CNTNAP2: variants seen among roughly 807,000 people sequenced by gnomAD.
The protein encoded by CNTNAP2 is contactin associated protein 2.
A neutral mutation model predicts 155.2 loss-of-function variants in CNTNAP2; 98 were observed. The observed-to-expected ratio is 0.63, with a 90% CI of 0.54 to 0.75. CNTNAP2 has a LOEUF of 0.75. Among genes scored for constraint, CNTNAP2 ranks in the 30% least tolerant of loss-of-function variants. The probability of loss-of-function intolerance (pLI) is 0.00; values close to 1 mark genes in which losing one functional copy is unlikely to be tolerated. For missense variants in CNTNAP2, 1,727 were observed against 1,688.1 expected (o/e 1.02, Z -0.40); for synonymous variants, 651 against 631.2 (o/e 1.03, Z -0.47).
intron 14 of CNTNAP2, among the ~76,000 whole-genome samples, chr7:147,959,748 G>T (rs1801084080): frequency 6.6e-6 from 1 of 152,088 alleles, no homozygotes; most frequent in South Asian, 2.1e-4. Context: ...AACTGACAGG[G>T]CATGCTGGTG....
intron 1 of CNTNAP2, among the ~76,000 whole-genome samples, chr7:146,422,823 A>G (rs953479417): frequency 1.3e-5 from 2 of 152,126 alleles, no homozygotes; most frequent in Non-Finnish European, 2.9e-5. Flanking sequence ...TAGTCTGCCC[A>G]TTCAAAAGAG....
intron 21 of CNTNAP2, among the ~76,000 whole-genome samples, chr7:148,358,489 C>T (rs1474206023): frequency 6.6e-6 from 1 of 152,162 alleles, no homozygotes; most frequent in Non-Finnish European, 1.5e-5. Context: ...GTGAGGATGG[C>T]TGGCCTGCCT....
chr7:146,667,762 T>A (rs73455224), intron 1 of CNTNAP2, among the ~76,000 whole-genome samples: 8,391 of 151,968 alleles, frequency 0.055, 318 homozygotes, highest in African/African-American at 0.12. Context: ...GTCTTCTTGA[T>A]CTCTTTTTTT....
intron 15 of CNTNAP2, among the ~76,000 whole-genome samples, chr7:147,994,981 C>T (rs774179462): frequency 5.3e-5 from 8 of 152,130 alleles, no homozygotes; most frequent in African/African-American, 9.7e-5. Flanking sequence ...CAAAAGGAAA[C>T]GTGCATGAGA....
chr7:147,910,906 T>A (rs1251933402), intron 14 of CNTNAP2, among the ~76,000 whole-genome samples: 1 of 152,240 alleles, frequency 6.6e-6, no homozygotes, highest in Non-Finnish European at 1.5e-5. Flanking sequence ...ATTTTTCACC[T>A]GTGTACTATA....
At chr7:147,387,881 C>T (rs1057048114) in intron 9 of CNTNAP2, among the ~76,000 whole-genome samples, 1 of 152,126 alleles carries the variant, frequency 6.6e-6, no homozygotes, top group Admixed American at 6.5e-5. Flanking sequence ...CCAACTTTCA[C>T]CCACTTATTT....
At chr7:147,987,287 C>A (rs1801635271) in intron 15 of CNTNAP2, among the ~76,000 whole-genome samples, 1 of 152,190 alleles carries the variant, frequency 6.6e-6, no homozygotes, top group Non-Finnish European at 1.5e-5. Context: ...GAAATCAGCT[C>A]TTTAAGATTA....
rs62481812 is a variant in CNTNAP2 at position 146,636,309 on chromosome 7, A to T, written c.98-137962A>T. ...TGCTAATCACAGTGAATTTTATGGC[A>T]TGTAAGTTATATTTTAACTTACGAA... On this transcript the variant is annotated intron_variant, in intron 1 of 23. Transcript: ENST00000361727. 6.9e-3 allele frequency among the ~76,000 whole-genome samples: 1,054 copies of T among 152,286 alleles called. 8 individuals carry two copies. The highest frequency in any genetic ancestry group is 0.013 in the Non-Finnish European group (870 of 68,020).
chr7:146,513,557 A>G (rs1004480192), intron 1 of CNTNAP2, among the ~76,000 whole-genome samples: 2 of 152,056 alleles, frequency 1.3e-5, no homozygotes, highest in African/African-American at 4.8e-5. Context: ...AGATACAGAA[A>G]CAAAGAAAAC....
intron 12 of CNTNAP2, among the ~76,000 whole-genome samples, chr7:147,586,498 T>TAC (rs978054845): frequency 1.6e-5 from 1 of 60,638 alleles, no homozygotes; most frequent in Admixed American, 2.5e-4. Context: ...TTTACATAGA[T>TAC]ACACACACAC....
Position 146,809,793 on chromosome 7 carries a change from G to A in CNTNAP2, c.209-29918G>A, listed in dbSNP as rs60213113. On this transcript the variant is annotated intron_variant, in intron 2 of 23. Coordinates refer to ENST00000361727, the MANE Select transcript of CNTNAP2 (RefSeq NM_014141.6). The stretch of plus-strand genomic sequence containing the variant: ...GTTTAAAAATATTTTCTTCCATTCC[G>A]TAGGTTGCCTTTTCATTTTGTTGAT... Among the ~76,000 whole-genome samples, 591 of 152,154 alleles carry A rather than the reference G, an allele frequency of 3.9e-3. 6 individuals are homozygous for A. Among genetic ancestry groups the A allele is most frequent in the African/African-American group, 0.013 (557 of 41,512 alleles).
intron 10 of CNTNAP2, among the ~76,000 whole-genome samples, chr7:147,415,778 C>T (rs1236894333): frequency 2.0e-5 from 3 of 152,042 alleles, no homozygotes; most frequent in African/African-American, 4.8e-5. Context: ...ATTGAATGAC[C>T]ATATCATTTG....
intron 15 of CNTNAP2, among the ~76,000 whole-genome samples, chr7:148,075,541 C>T (rs747517175): frequency 6.6e-6 from 1 of 152,158 alleles, no homozygotes; most frequent in African/African-American, 2.4e-5. Flanking sequence ...ACTCAAGTCT[C>T]TGAAGGAGTA....
chr7:148,213,269 C>T (rs528680645), intron 18 of CNTNAP2, among the ~76,000 whole-genome samples: 3 of 152,228 alleles, frequency 2.0e-5, no homozygotes, highest in Admixed American at 6.5e-5. Flanking sequence ...TTAACAGGCT[C>T]CCAGGAAAGT....
At chr7:148,309,334 C>A (rs1165903354) in intron 21 of CNTNAP2, among the ~76,000 whole-genome samples, 1 of 152,236 alleles carries the variant, frequency 6.6e-6, no homozygotes, top group Non-Finnish European at 1.5e-5. Context: ...CATGCCTGAA[C>A]AACATTGTTT....
At chr7:146,800,409 G>A (rs545946655) in intron 2 of CNTNAP2, among the ~76,000 whole-genome samples, 1 of 152,342 alleles carries the variant, frequency 6.6e-6, no homozygotes, top group East Asian at 1.9e-4. Flanking sequence ...AGCCTTGTCA[G>A]AAAATCAGTT....
intron 1 of CNTNAP2, among the ~76,000 whole-genome samples, chr7:146,173,776 C>T (rs1367633746): frequency 6.6e-6 from 1 of 152,162 alleles, no homozygotes; most frequent in East Asian, 1.9e-4. Flanking sequence ...CAAATATACT[C>T]AGCATGTGTT....
chr7:146,139,370 G>GT (rs1375041207), intron 1 of CNTNAP2, among the ~76,000 whole-genome samples: 6 of 152,138 alleles, frequency 3.9e-5, no homozygotes, highest in Non-Finnish European at 7.4e-5. Flanking sequence ...CTGTGGAGCT[G>GT]TTTTTTCCCA....
At chr7:148,320,398 T>G (rs1469460312) in intron 21 of CNTNAP2, among the ~76,000 whole-genome samples, 1 of 144,316 alleles carries the variant, frequency 6.9e-6, no homozygotes, top group Non-Finnish European at 1.5e-5. Flanking sequence ...TTTTTTTTTT[T>G]TTTGAGATGG....
Sources: gnomAD v4.1 joint callset for allele counts (sites outside exome capture counted in the v4.1 genomes callset) on GRCh38, gnomAD v4.1.1 for gene constraint, MANE v1.5 for transcripts, NCBI Gene and HGNC (gene_info 2026-07-23, HGNC 2026-07-21) for gene names.